The following ABCC3 variants were observed in gnomAD, a reference collection of about 807,000 sequenced individuals.
ABCC3 encodes ATP binding cassette subfamily C member 3.
Under a neutral mutation model 165.3 loss-of-function variants are expected in ABCC3, and 121 were observed. That is an observed-to-expected ratio of 0.73 (90% confidence interval 0.63 to 0.85). The LOEUF (loss-of-function observed/expected upper bound fraction) is 0.85. ABCC3 is among the 40% of genes least tolerant of loss of function. The pLI, the probability that ABCC3 is intolerant of heterozygous loss-of-function variation, is 0.00. For synonymous variants in ABCC3, 733 were observed against 810.1 expected (o/e 0.90, Z 1.62); for missense variants, 1,869 against 1,964.1 (o/e 0.95, Z 0.92).
chr17:50,635,757 G>A (rs1324240982), intron 1 of ABCC3: 3 of 603,578 alleles, frequency 5.0e-6, no homozygotes, highest in Admixed American at 2.8e-5. Flanking sequence ...AGTGGTTCAC[G>A]CCTGTAATCC....
chr17:50,661,235 T>A, intron 8 of ABCC3, 121 bp downstream of exon 8: 4 of 1,083,044 alleles, frequency 3.7e-6, no homozygotes, highest in Non-Finnish European at 5.1e-6. Flanking sequence ...GGAGGCTAGC[T>A]CCACTTTCTG....
At chr17:50,646,965 G>A (rs906505465) in intron 1 of ABCC3, among the ~76,000 whole-genome samples, 28 of 152,276 alleles carry the variant, frequency 1.8e-4, no homozygotes, top group African/African-American at 5.3e-4. Flanking sequence ...TGCAACCTCC[G>A]CCTCCCGGGT....
intron 1 of ABCC3, among the ~76,000 whole-genome samples, chr17:50,639,906 G>A (rs1327921743): frequency 6.6e-6 from 1 of 152,040 alleles, no homozygotes; most frequent in Non-Finnish European, 1.5e-5. Flanking sequence ...TGGGATTACA[G>A]GTGCACACCA....
At chr17:50,679,524 G>A (rs751306867) in intron 25 of ABCC3, 4 of 244,102 alleles carry the variant, frequency 1.6e-5, no homozygotes, top group African/African-American at 4.5e-5. Context: ...ATTTTAACAA[G>A]ATTCTCTGGG....
intron 17 of ABCC3, among the ~76,000 whole-genome samples, chr17:50,670,729 C>T (rs147110098): frequency 9.7e-4 from 147 of 152,210 alleles, no homozygotes; most frequent in African/African-American, 3.3e-3. Context: ...ACAAAGAGAC[C>T]GAGTGAGCCT....
chr17:50,666,342 A>G (rs1967527458), intron 11 of ABCC3, among the ~76,000 whole-genome samples: 1 of 152,120 alleles, frequency 6.6e-6, no homozygotes, highest in South Asian at 2.1e-4. Flanking sequence ...ATGGTGGCAC[A>G]TGCCTGTAAT....
intron 1 of ABCC3, among the ~76,000 whole-genome samples, chr17:50,642,807 T>A (rs1019904170): frequency 3.3e-5 from 5 of 152,188 alleles, no homozygotes; most frequent in Non-Finnish European, 7.3e-5. Flanking sequence ...TCCCACCATG[T>A]CCCCACGCCT....
chr17:50,657,058 C>G lies in ABCC3; in HGVS notation c.361C>G (p.Leu121Val), dbSNP rs757009285. 1.2e-6 allele frequency: 2 copies of G among 1,613,716 alleles called. No individual in the cohort carries two copies. Among genetic ancestry groups the G allele is most frequent in the East Asian group, 2.2e-5 (1 of 44,892 alleles). ...CCTCCCTGCACAGCTGCTGGCCACCCTGCTGATACAGTATGAGCGGCTGCA... is the reference window on the plus strand; with the variant it reads ...CCTCCCTGCACAGCTGCTGGCCACCGTGCTGATACAGTATGAGCGGCTGCA... ...VVGVTMLLATLLIQYERLQGV... is the reference protein window; with the variant it reads ...VVGVTMLLATVLIQYERLQGV... The change falls in exon 4 of 31, where the codon CTG becomes GTG. Residue 121 changes from leucine (L) to valine (V), a missense_variant. Coordinates refer to ENST00000285238, the MANE Select transcript of ABCC3 (RefSeq NM_003786.4).
intron 22 of ABCC3, 91 bp downstream of exon 22, chr17:50,676,181 T>C: frequency 6.3e-7 from 1 of 1,592,336 alleles, no homozygotes. Flanking sequence ...CATCCAAGCC[T>C]CCCTAACCCA....
chr17:50,648,404 T>C (rs2146595614), intron 1 of ABCC3, among the ~76,000 whole-genome samples: 1 of 152,274 alleles, frequency 6.6e-6, no homozygotes, highest in South Asian at 2.1e-4. Flanking sequence ...AAGATACTTA[T>C]CCATCTCCTC....
intron 30 of ABCC3, among the ~76,000 whole-genome samples, chr17:50,688,999 T>TA (rs758791942): frequency 2.6e-5 from 4 of 151,660 alleles, no homozygotes; most frequent in Non-Finnish European, 5.9e-5. Flanking sequence ...GGTCAGAAGT[T>TA]AGAGACCAGC....
At chr17:50,674,798 A>ATT (rs776451103) in intron 19 of ABCC3, among the ~76,000 whole-genome samples, 1,692 of 133,636 alleles carry the variant, frequency 0.013, 45 homozygotes, top group African/African-American at 0.039. Context: ...AGTCATGCAG[A>ATT]TTTTTTTTTT....
chr17:50,655,141 G>GC (rs71147000), intron 1 of ABCC3, among the ~76,000 whole-genome samples: 138,860 of 138,890 alleles, frequency 1, 69,415 homozygotes, highest in East Asian at 1. Flanking sequence ...AGGCGCAGCC[G>GC]TCACGCCTGT....
intron 30 of ABCC3, among the ~76,000 whole-genome samples, chr17:50,688,095 A>G (rs1165648707): frequency 6.6e-6 from 1 of 151,992 alleles, no homozygotes; most frequent in Non-Finnish European, 1.5e-5. Context: ...TATTTTTAGT[A>G]GAGACGGTTT....
At chr17:50,682,161 A>G (rs1056273641) in intron 26 of ABCC3, among the ~76,000 whole-genome samples, 2 of 151,966 alleles carry the variant, frequency 1.3e-5, no homozygotes, top group African/African-American at 4.8e-5. Context: ...CCACTCCCGG[A>G]AGAACTGCGC....
At chr17:50,647,250 CTT>C (rs1967019106) in intron 1 of ABCC3, among the ~76,000 whole-genome samples, 1 of 152,176 alleles carries the variant, frequency 6.6e-6, no homozygotes, top group Non-Finnish European at 1.5e-5. Context: ...TCAAACACCT[CTT>C]TGTCCAGCTA....
chr17:50,635,067 C>T lies in ABCC3; in HGVS notation c.45+86C>T, dbSNP rs760576475. On this transcript the variant is annotated intron_variant, in intron 1 of 30. Transcript: ENST00000285238. ...CCCCGCCGCCTGCCTTCCCGCGGGG[C>T]CGGCAGGTATCCCGGGACGGAGCCC... 2.8e-5 allele frequency: 34 copies of T among 1,220,196 alleles called. No homozygotes were observed. The Middle Eastern group carries it at 1.2e-3, about 44-fold the overall frequency. The allele number at this position is 1,220,196 out of a possible 1,614,324, so 75.6% of individuals were successfully genotyped here. A position where few individuals can be genotyped will look rare whatever the true frequency, so the allele number is the denominator to read the frequency against.
At chr17:50,678,267 C>A in intron 25 of ABCC3, 48 bp downstream of exon 25, 1 of 1,505,820 alleles carries the variant, frequency 6.6e-7, no homozygotes, top group Admixed American at 2.3e-5. Flanking sequence ...GGGACAGAAA[C>A]CACACAGGTG....
chr17:50,671,416 C>T (rs559440895), intron 17 of ABCC3, among the ~76,000 whole-genome samples: 18 of 152,284 alleles, frequency 1.2e-4, no homozygotes, highest in African/African-American at 3.4e-4. Flanking sequence ...CCCCACTGCC[C>T]CTAGGCCCCA....
Sources: allele counts gnomAD v4.1 joint callset (sites outside exome capture counted in the v4.1 genomes callset), GRCh38; gene constraint gnomAD v4.1.1; transcripts MANE v1.5; gene names NCBI Gene and HGNC (gene_info 2026-07-23, HGNC 2026-07-21).